Variants in TCP11L2 observed in about 807,000 individuals in gnomAD.
TCP11L2 encodes t-complex 11 like 2, also known as T-complex protein 11-like protein 2.
A neutral mutation model predicts 50.7 loss-of-function variants in TCP11L2; 39 were observed. That is an observed-to-expected ratio of 0.77 (90% CI 0.60 to 1.01). The LOEUF (loss-of-function observed/expected upper bound fraction) is 1.01, where lower values mean the gene tolerates loss of function less well. TCP11L2 is among the 50% of genes least tolerant of loss of function. The pLI is 0.00. For missense variants in TCP11L2, 612 were observed against 614.7 expected (o/e 1.00, Z 0.05); for synonymous variants, 192 against 219.3 (o/e 0.88, Z 1.10).
chr12:106,312,545 C>T (rs2034902661), intron 2 of TCP11L2: 2 of 488,450 alleles, frequency 4.1e-6, no homozygotes, highest in South Asian at 5.5e-5. Flanking sequence ...TATCACCTTT[C>T]TCTTCTTCCT....
At chr12:106,332,860 G>A (rs2035792740) in intron 6 of TCP11L2, among the ~76,000 whole-genome samples, 1 of 152,192 alleles carries the variant, frequency 6.6e-6, no homozygotes, top group African/African-American at 2.4e-5. Flanking sequence ...CTTCATGATA[G>A]AAATTTGGGT....
Position 106,320,016 on chromosome 12 carries a change from A to C in TCP11L2, c.415-1470A>C, listed in dbSNP as rs75687173. 4.5e-3 allele frequency among the ~76,000 whole-genome samples: 687 copies of C among 152,288 alleles called. 1 individual carries two copies. Among genetic ancestry groups the C allele is most frequent in the Non-Finnish European group, 6.2e-3 (420 of 68,034 alleles). ...TCTGCACCTTGTTCTTTCTTCCCTG[A>C]ACTTTTACCTGTAGACGTTTTGAAA... On this transcript the variant is annotated intron_variant, in intron 4 of 9. Coordinates refer to ENST00000299045, the MANE Select transcript of TCP11L2 (RefSeq NM_152772.3).
upstream of TCP11L2, among the ~76,000 whole-genome samples, chr12:106,300,774 T>A (rs971532642): frequency 1.3e-5 from 2 of 152,206 alleles, no homozygotes; most frequent in Non-Finnish European, 2.9e-5. Flanking sequence ...GGTTCTCTGA[T>A]GTTACAGTTG....
chr12:106,312,589 T>G (rs1460572610), intron 2 of TCP11L2, among the ~76,000 whole-genome samples: 1 of 152,066 alleles, frequency 6.6e-6, no homozygotes, highest in Non-Finnish European at 1.5e-5. Flanking sequence ...CATCTTCTCC[T>G]AAAAATTAGG....
chr12:106,310,890 C>T (rs1176113504), intron 1 of TCP11L2, among the ~76,000 whole-genome samples, 151 bp from the exon 2 acceptor site: 2 of 152,176 alleles, frequency 1.3e-5, no homozygotes, highest in African/African-American at 4.8e-5. Flanking sequence ...TGGCCTAGTC[C>T]GGCCAAGGTG....
In TCP11L2 at chr12:106,335,969, G is replaced by C. The variant is rs1325705014; in HGVS notation, c.961-63G>C. 2.0e-6 allele frequency: 3 copies of C among 1,507,542 alleles called. No individual in the cohort carries two copies. The East Asian group carries it at 7.2e-5, about 36-fold the overall frequency. 93.4% of individuals were successfully genotyped at this position (1,507,542 alleles called of 1,614,324 possible). ...TGGGAATTTGGAAATGACATTGCCTGTTTTGTATTTTCATGCTATTGAGCT... is the reference window on the plus strand; with the variant it reads ...TGGGAATTTGGAAATGACATTGCCTCTTTTGTATTTTCATGCTATTGAGCT... On this transcript the variant is annotated intron_variant, in intron 7 of 9. Coordinates refer to ENST00000299045, the MANE Select transcript of TCP11L2 (RefSeq NM_152772.3).
chr12:106,318,939 C>T (rs2035216592), intron 4 of TCP11L2, among the ~76,000 whole-genome samples: 1 of 150,082 alleles, frequency 6.7e-6, no homozygotes. Context: ...GAGTCTCACT[C>T]TGTCGCCCAG....
At chr12:106,307,448 A>G (rs922005160) in intron 1 of TCP11L2, 28 of 152,344 alleles carry the variant, frequency 1.8e-4, no homozygotes, top group African/African-American at 6.0e-4. Context: ...GGTAGATCTA[A>G]GTTTGCATAA....
chr12:106,339,531 C>T (rs1477804325), intron 8 of TCP11L2, among the ~76,000 whole-genome samples: 1 of 152,148 alleles, frequency 6.6e-6, no homozygotes, highest in East Asian at 1.9e-4. Context: ...TTGGGTAATT[C>T]ATCACGAAAT....
chr12:106,323,535 A>G lies in TCP11L2; in HGVS notation c.661A>G (p.Met221Val), dbSNP rs1338551380. Reference protein sequence around the residue: ...LRQIFHVLDLMQMDMANFTIM... With the variant: ...LRQIFHVLDLVQMDMANFTIM... ...ACAAATATTCCATGTCCTGGACCTC[A>G]TGCAAATGGACATGGCCAATTTTAC... is the stretch of plus-strand genomic sequence containing the variant. The change falls in exon 6 of 10, where the codon ATG becomes GTG. Residue 221 changes from methionine to valine, a missense_variant. By Grantham distance (21) the Met-to-Val change is conservative. Transcript: ENST00000299045. 2.5e-6 allele frequency: 4 copies of G among 1,607,522 alleles called. No individual in the cohort carries two copies. Among genetic ancestry groups the G allele is most frequent in the East Asian group, 2.2e-5 (1 of 44,572 alleles).
chr12:106,329,183 C>A, intron 6 of TCP11L2: 1 of 928,018 alleles, frequency 1.1e-6, no homozygotes, highest in Non-Finnish European at 1.6e-6. Flanking sequence ...CTCTCCCTTA[C>A]TAGACTAGGA....
chr12:106,330,229 A>T (rs550016471), intron 6 of TCP11L2: 1 of 985,442 alleles, frequency 1.0e-6, no homozygotes, highest in African/African-American at 1.7e-5. Flanking sequence ...TAGCCTTGGC[A>T]TGTCAAATTT....
chr12:106,319,998 C>T (rs1337267369), intron 4 of TCP11L2, among the ~76,000 whole-genome samples: 2 of 152,226 alleles, frequency 1.3e-5, no homozygotes, highest in African/African-American at 4.8e-5. Flanking sequence ...TGATCTGCAC[C>T]TTGTTCTTTC....
chr12:106,304,330 C>T (rs931337953), intron 1 of TCP11L2: 3 of 152,290 alleles, frequency 2.0e-5, no homozygotes, highest in African/African-American at 7.2e-5. Context: ...CCACGTGTAA[C>T]GTGAACATCT....
intron 9 of TCP11L2, 90 bp from the exon 10 acceptor site, chr12:106,346,196 C>T: frequency 7.6e-7 from 1 of 1,310,102 alleles, no homozygotes; most frequent in Non-Finnish European, 1.0e-6. Flanking sequence ...AACATTATTG[C>T]AGTCAACCTA....
At chr12:106,337,488 T>C (rs1445559086) in intron 8 of TCP11L2, among the ~76,000 whole-genome samples, 2 of 152,240 alleles carry the variant, frequency 1.3e-5, no homozygotes, top group African/African-American at 4.8e-5. Context: ...GTTGGTCTTA[T>C]CTTATGATTT....
At chr12:106,329,166 T>G (rs1225448952) in intron 6 of TCP11L2, among the ~76,000 whole-genome samples, 2 of 152,148 alleles carry the variant, frequency 1.3e-5, no homozygotes, top group Non-Finnish European at 2.9e-5. Flanking sequence ...CTTGTTCTGG[T>G]GTCTGTCTCT....
intron 6 of TCP11L2, among the ~76,000 whole-genome samples, chr12:106,327,785 C>A (rs1162094422): frequency 6.6e-6 from 1 of 152,122 alleles, no homozygotes; most frequent in Non-Finnish European, 1.5e-5. Context: ...CAGAGAAGTA[C>A]TCTAGATTTC....
At chr12:106,344,376 A>T (rs1182342230) in intron 9 of TCP11L2, among the ~76,000 whole-genome samples, 1 of 152,196 alleles carries the variant, frequency 6.6e-6, no homozygotes. Context: ...ACGCTCAGAG[A>T]GTCCACTGTC....
Sources: gnomAD v4.1 joint callset for allele counts (sites outside exome capture counted in the v4.1 genomes callset) on GRCh38, gnomAD v4.1.1 for gene constraint, MANE v1.5 for transcripts, NCBI Gene and HGNC (gene_info 2026-07-23, HGNC 2026-07-21) for gene names.